TMEM87B: variants seen among roughly 807,000 people sequenced by gnomAD.
The protein encoded by TMEM87B is transmembrane protein 87B.
A neutral mutation model predicts 80.3 loss-of-function variants in TMEM87B; 83 were observed. The ratio of observed to expected loss-of-function variants is 1.03; its 90% CI spans 0.87 to 1.24. The LOEUF (loss-of-function observed/expected upper bound fraction) is 1.24, where lower values mean the gene tolerates loss of function less well. Ranked by LOEUF, TMEM87B falls within the 50% of genes most tolerant of loss-of-function variation. TMEM87B has a pLI of 0.00. For synonymous variants in TMEM87B, 219 were observed against 230.5 expected, an observed-to-expected ratio of 0.95 and a Z score of 0.45; for missense variants, 625 against 674.4, an observed-to-expected ratio of 0.93 and a Z score of 0.81.
At chr2:112,080,407 T>A (rs1039193196) in intron 6 of TMEM87B, among the ~76,000 whole-genome samples, 3 of 151,876 alleles carry the variant, frequency 2.0e-5, no homozygotes, top group Admixed American at 2.0e-4. Context: ...CTACAGGTGC[T>A]CGCCACCACG....
intron 1 of TMEM87B, among the ~76,000 whole-genome samples, chr2:112,057,280 TTTTG>T (rs542360412): frequency 2.7e-4 from 41 of 152,298 alleles, no homozygotes; most frequent in African/African-American, 8.4e-4. Context: ...GTTTCTTTGT[TTTTG>T]TTTGTTTGAG....
intron 2 of TMEM87B, among the ~76,000 whole-genome samples, chr2:112,063,172 G>T (rs1442551142): frequency 6.6e-6 from 1 of 152,146 alleles, no homozygotes; most frequent in East Asian, 1.9e-4. Flanking sequence ...TATCAGAGTT[G>T]GTCTGAGTGA....
chr2:112,075,723 A>G (rs1380124137), intron 5 of TMEM87B, among the ~76,000 whole-genome samples: 2 of 151,882 alleles, frequency 1.3e-5, no homozygotes, highest in Non-Finnish European at 2.9e-5. Flanking sequence ...GGTTTGGGAG[A>G]GCTTAATGTT....
intron 17 of TMEM87B, among the ~76,000 whole-genome samples, chr2:112,110,132 CT>C (rs1679874351): frequency 6.6e-6 from 1 of 152,082 alleles, no homozygotes; most frequent in African/African-American, 2.4e-5. Flanking sequence ...ATCATCTGAC[CT>C]TTTCTGTCCA....
At chr2:112,108,511 T>A (rs2104506039) in intron 17 of TMEM87B, among the ~76,000 whole-genome samples, 1 of 152,342 alleles carries the variant, frequency 6.6e-6, no homozygotes, top group Non-Finnish European at 1.5e-5. Context: ...AGTCTTTGTT[T>A]CACCTTTATT....
intron 6 of TMEM87B, among the ~76,000 whole-genome samples, chr2:112,079,984 C>T (rs1372535595): frequency 2.1e-4 from 27 of 127,100 alleles, no homozygotes; most frequent in African/African-American, 5.8e-4. Context: ...GGCTGGAGTG[C>T]GGTGGCACGA....
intron 6 of TMEM87B, among the ~76,000 whole-genome samples, chr2:112,079,765 C>G (rs1471581730): frequency 6.6e-6 from 1 of 152,148 alleles, no homozygotes; most frequent in East Asian, 1.9e-4. Flanking sequence ...AGCACTTACT[C>G]TCTTTCATCT....
chr2:112,075,116 C>G (rs1678768897), intron 5 of TMEM87B, among the ~76,000 whole-genome samples, 154 bp downstream of exon 5: 1 of 152,148 alleles, frequency 6.6e-6, no homozygotes, highest in African/African-American at 2.4e-5. Flanking sequence ...CGTATGTTTT[C>G]AGGCCAGGTG....
chr2:112,099,605 T>C (rs529356185), intron 14 of TMEM87B, among the ~76,000 whole-genome samples: 10 of 148,530 alleles, frequency 6.7e-5, no homozygotes, highest in Non-Finnish European at 1.3e-4. Context: ...CCTTCCTGTT[T>C]AAGGTCACGC....
chr2:112,067,307 C>T (rs1678465552), intron 4 of TMEM87B, among the ~76,000 whole-genome samples: 1 of 152,130 alleles, frequency 6.6e-6, no homozygotes, highest in Non-Finnish European at 1.5e-5. Context: ...TATAGTAGTA[C>T]ATAATAAGTA....
intron 9 of TMEM87B, 89 bp from the exon 10 acceptor site, chr2:112,089,535 GT>G: frequency 8.7e-7 from 1 of 1,148,820 alleles, no homozygotes; most frequent in Non-Finnish European, 1.3e-6. Flanking sequence ...TGACTTCCTG[GT>G]ATTGGAAATG....
intron 2 of TMEM87B, among the ~76,000 whole-genome samples, chr2:112,060,565 C>G (rs1367854834): frequency 6.7e-6 from 1 of 149,874 alleles, no homozygotes; most frequent in South Asian, 2.1e-4. Flanking sequence ...GAGACAGAGT[C>G]TTTCTCTGTC....
chr2:112,108,984 A>G (rs577700566), intron 17 of TMEM87B, among the ~76,000 whole-genome samples: 74 of 152,234 alleles, frequency 4.9e-4, no homozygotes, highest in South Asian at 1.9e-3. Flanking sequence ...ATTATTGTCC[A>G]CCTTTTTGAT....
Position 112,107,823 on chromosome 2 carries a change from C to A in TMEM87B, c.1560C>A (p.Pro520=). The change falls in exon 17 of 19, where the codon CCC becomes CCA. Residue 520 remains proline (P), a synonymous_variant. Coordinates refer to ENST00000283206, the MANE Select transcript of TMEM87B (RefSeq NM_032824.3). ...TGAAGTGGGTAGAAGAAAATATTCC[C>A]TCTTCATTCACAGATGTGTAAGTTA... ...EDLKWVEENI[P]SSFTDVALPV... is the part of the protein sequence containing the mutation. The A allele has an allele frequency of 6.3e-7, 1 of 1,581,202 alleles. No individual in the cohort carries two copies. The highest frequency in any genetic ancestry group is 1.7e-5 in the Admixed American group (1 of 58,820).
intron 6 of TMEM87B, among the ~76,000 whole-genome samples, chr2:112,080,364 A>G (rs1474510848): frequency 6.6e-5 from 10 of 151,670 alleles, no homozygotes; most frequent in Non-Finnish European, 1.5e-5. Flanking sequence ...GGTTCACGCC[A>G]TTCTCCTGCC....
At chr2:112,064,294 A>G (rs974377163) in intron 3 of TMEM87B, 41 bp downstream of exon 3, 2 of 1,541,600 alleles carry the variant, frequency 1.3e-6, no homozygotes, top group Non-Finnish European at 1.8e-6. Context: ...AAAGCTATGA[A>G]GGAAAATTAT....
At chr2:112,057,979 C>A (rs2104450576) in intron 1 of TMEM87B, among the ~76,000 whole-genome samples, 1 of 152,214 alleles carries the variant, frequency 6.6e-6, no homozygotes, top group South Asian at 2.1e-4. Flanking sequence ...AGGTGTGTGC[C>A]ACCACGCCTG....
chr2:112,091,845 T>G (rs1679311427), intron 11 of TMEM87B, 62 bp downstream of exon 11: 2 of 1,256,346 alleles, frequency 1.6e-6, no homozygotes, highest in Non-Finnish European at 2.3e-6. Context: ...TTACATGTAA[T>G]TTGTAATAAC....
At chr2:112,100,565 C>G in intron 14 of TMEM87B, 57 bp from the exon 15 acceptor site, 1 of 1,141,622 alleles carries the variant, frequency 8.8e-7, no homozygotes, top group South Asian at 1.5e-5. Context: ...TAGATATAAA[C>G]TGAAAATTGA....
Sources: gnomAD v4.1 joint callset for allele counts (sites outside exome capture counted in the v4.1 genomes callset) on GRCh38, gnomAD v4.1.1 for gene constraint, MANE v1.5 for transcripts, NCBI Gene and HGNC (gene_info 2026-07-23, HGNC 2026-07-21) for gene names.